The following CSMD3 variants were observed in gnomAD, a reference collection of about 807,000 sequenced individuals.
CSMD3 encodes the protein CUB and sushi domain-containing protein 3.
CSMD3 carries 177 observed loss-of-function variants against 435.2 expected under a neutral mutation model. The observed-to-expected ratio is 0.41, with a 90% CI of 0.36 to 0.46. The LOEUF (loss-of-function observed/expected upper bound fraction) is 0.46, where lower values mean the gene tolerates loss of function less well. Among genes scored for constraint, CSMD3 ranks in the 20% least tolerant of loss-of-function variants. CSMD3 has a pLI of 0.34. For synonymous variants in CSMD3, 1,656 were observed against 1,520.5 expected (o/e 1.09, Z -2.07); for missense variants, 4,265 against 4,504.6 (o/e 0.95, Z 1.52).
intron 13 of CSMD3, among the ~76,000 whole-genome samples, chr8:112,795,460 ACC>A (rs2078805882): frequency 6.6e-6 from 1 of 152,136 alleles, no homozygotes. Context: ...TTTTCCACAT[ACC>A]CTTGTCAAAT....
intron 5 of CSMD3, among the ~76,000 whole-genome samples, chr8:113,078,010 A>C (rs2089416056): frequency 6.6e-6 from 1 of 152,192 alleles, no homozygotes; most frequent in South Asian, 2.1e-4. Flanking sequence ...ATCAATAATA[A>C]CTCAATGAGT....
At position 113,432,126 on chromosome 8, in the gene CSMD3, G is replaced by C. The variant is rs551518133; in HGVS notation, c.178+4551C>G. Among the ~76,000 whole-genome samples the C allele has an allele frequency of 2.5e-4, 38 of 152,194 alleles. No individual in the cohort carries two copies. The South Asian group carries it at 7.0e-3, about 28-fold the overall frequency. On this transcript the variant is annotated intron_variant, in intron 1 of 70. Coordinates refer to ENST00000297405, the MANE Select transcript of CSMD3 (RefSeq NM_198123.2). ...CTGCTCACATACTCTTCCAATGAGG[G>C]CGTGATGCAGCACCCGCCTCCTCCC...
At chr8:113,156,461 C>T (rs533096359) in intron 4 of CSMD3, among the ~76,000 whole-genome samples, 2 of 151,780 alleles carry the variant, frequency 1.3e-5, no homozygotes, top group South Asian at 4.1e-4. Flanking sequence ...GTTGTTGTTG[C>T]TTTATATATC....
At chr8:112,268,958 C>T (rs1817214517) in intron 59 of CSMD3, among the ~76,000 whole-genome samples, 1 of 152,190 alleles carries the variant, frequency 6.6e-6, no homozygotes, top group South Asian at 2.1e-4. Context: ...TTGTGAGGGG[C>T]TGCTCTGTGC....
chr8:112,337,794 C>T lies in CSMD3; in HGVS notation c.6653-63G>A, dbSNP rs1824722407. ...AATTTCAGAGGCCACAGATAGGGTACTACAGCAATTTTGCAACTTAAAAAT... is the reference window on the plus strand; with the variant it reads ...AATTTCAGAGGCCACAGATAGGGTATTACAGCAATTTTGCAACTTAAAAAT... On this transcript the variant is annotated intron_variant, in intron 42 of 70. Coordinates refer to ENST00000297405, the MANE Select transcript of CSMD3 (RefSeq NM_198123.2). 3 of 1,295,212 alleles carry T rather than the reference C, an allele frequency of 2.3e-6. No individual in the cohort carries two copies. The Admixed American group carries it at 6.3e-5, about 27-fold the overall frequency. The allele number at this position is 1,295,212 out of a possible 1,614,324, so 80.2% of individuals were successfully genotyped here.
chr8:113,232,189 A>T (rs1423935513), intron 3 of CSMD3, among the ~76,000 whole-genome samples: 1 of 151,586 alleles, frequency 6.6e-6, no homozygotes, highest in Non-Finnish European at 1.5e-5. Flanking sequence ...TACTTGTAAA[A>T]TAATGTATAT....
At chr8:112,925,487 C>G (rs754922799) in intron 9 of CSMD3, among the ~76,000 whole-genome samples, 1 of 151,594 alleles carries the variant, frequency 6.6e-6, no homozygotes, top group Non-Finnish European at 1.5e-5. Flanking sequence ...GGAGTGAACC[C>G]GGGAAGTGGA....
chr8:112,648,994 G>A (rs1368723903), intron 19 of CSMD3, among the ~76,000 whole-genome samples: 2 of 152,130 alleles, frequency 1.3e-5, no homozygotes, highest in African/African-American at 4.8e-5. Flanking sequence ...ACAGGGAAGA[G>A]CTCTCCTTCC....
At chr8:112,664,572 A>G (rs1382050978) in intron 17 of CSMD3, among the ~76,000 whole-genome samples, 3 of 152,172 alleles carry the variant, frequency 2.0e-5, no homozygotes, top group African/African-American at 7.2e-5. Flanking sequence ...TGTGTCAATT[A>G]TTGTTGTGGG....
chr8:113,122,109 C>T (rs533506786), intron 4 of CSMD3, among the ~76,000 whole-genome samples: 2 of 152,224 alleles, frequency 1.3e-5, no homozygotes, highest in African/African-American at 4.8e-5. Flanking sequence ...TGAGACAATA[C>T]CTTCATTTCT....
At chr8:112,855,814 T>TTTA (rs2080639600) in intron 11 of CSMD3, among the ~76,000 whole-genome samples, 1 of 151,040 alleles carries the variant, frequency 6.6e-6, no homozygotes, top group Non-Finnish European at 1.5e-5. Flanking sequence ...CGAAGCTTTT[T>TTTA]TTTTTTTTTT....
At chr8:112,378,749 C>T (rs1255611117) in intron 38 of CSMD3, among the ~76,000 whole-genome samples, 3 of 151,778 alleles carry the variant, frequency 2.0e-5, no homozygotes, top group African/African-American at 7.3e-5. Context: ...AGCAGGGTGA[C>T]TAGAGTTAAT....
At chr8:113,409,165 C>A (rs2094546925) in intron 1 of CSMD3, among the ~76,000 whole-genome samples, 1 of 144,062 alleles carries the variant, frequency 6.9e-6, no homozygotes. Flanking sequence ...CTCACTGCAA[C>A]CTCCGCCTCC....
intron 4 of CSMD3, among the ~76,000 whole-genome samples, chr8:113,171,049 T>A (rs527379850): frequency 8.5e-5 from 13 of 152,162 alleles, no homozygotes; most frequent in African/African-American, 2.9e-4. Flanking sequence ...AGGGTTAGAT[T>A]TGAACAGAAG....
intron 1 of CSMD3, among the ~76,000 whole-genome samples, chr8:113,364,181 T>C (rs544899545): frequency 2.0e-5 from 3 of 152,252 alleles, no homozygotes; most frequent in Middle Eastern, 3.4e-3. Flanking sequence ...CTTACCAGAG[T>C]TGGCTTTTAA....
chr8:112,985,392 C>A (rs2085219061), intron 6 of CSMD3, among the ~76,000 whole-genome samples: 1 of 151,324 alleles, frequency 6.6e-6, no homozygotes, highest in East Asian at 1.9e-4. Context: ...ACTTGAAGAG[C>A]CAAAACACTT....
chr8:112,920,280 A>T (rs917261670), intron 10 of CSMD3, among the ~76,000 whole-genome samples: 5 of 151,912 alleles, frequency 3.3e-5, no homozygotes, highest in Non-Finnish European at 5.9e-5. Context: ...TTAATGAATT[A>T]AAAAAGTTGA....
intron 10 of CSMD3, among the ~76,000 whole-genome samples, chr8:112,859,867 A>G (rs1324978385): frequency 6.6e-6 from 1 of 151,796 alleles, no homozygotes; most frequent in African/African-American, 2.4e-5. Flanking sequence ...TGAGCTAGTG[A>G]CCATACTGTT....
intron 32 of CSMD3, among the ~76,000 whole-genome samples, chr8:112,412,867 A>G (rs1005018374): frequency 6.6e-6 from 1 of 152,216 alleles, no homozygotes; most frequent in African/African-American, 2.4e-5. Context: ...ATTTCTGTTT[A>G]TTGATGTGGC....
Sources: gnomAD v4.1 joint callset for allele counts (sites outside exome capture counted in the v4.1 genomes callset) on GRCh38, gnomAD v4.1.1 for gene constraint, MANE v1.5 for transcripts, NCBI Gene and HGNC (gene_info 2026-07-23, HGNC 2026-07-21) for gene names.